The following OTUD7B variants were observed in gnomAD, a reference collection of about 807,000 sequenced individuals.
The protein encoded by OTUD7B is OTU domain-containing protein 7B.
OTUD7B carries 34 observed loss-of-function variants against 82.2 expected under a neutral mutation model. The ratio of observed to expected loss-of-function variants is 0.41; its 90% CI spans 0.31 to 0.55. The LOEUF (loss-of-function observed/expected upper bound fraction) is 0.55. Ranked by LOEUF, OTUD7B falls within the 20% of genes least tolerant of loss-of-function variation. The pLI is 0.20. For missense variants in OTUD7B, 944 were observed against 1,062.1 expected (o/e 0.89, Z 1.55); for synonymous variants, 398 against 402.7 (o/e 0.99, Z 0.14).
At chr1:149,985,057 A>G (rs1328612474) in intron 1 of OTUD7B, among the ~76,000 whole-genome samples, 1 of 152,218 alleles carries the variant, frequency 6.6e-6, no homozygotes, top group Non-Finnish European at 1.5e-5. Flanking sequence ...ATAGTATTAC[A>G]TCCCACTGTT....
upstream of OTUD7B, among the ~76,000 whole-genome samples, chr1:150,013,795 G>A (rs1559874786): frequency 6.7e-6 from 1 of 150,366 alleles, no homozygotes; most frequent in Admixed American, 6.7e-5. Context: ...GGTGGCGGGC[G>A]CCTGTAGTCC....
chr1:149,967,181 C>A, intron 4 of OTUD7B, 113 bp downstream of exon 4: 1 of 650,086 alleles, frequency 1.5e-6, no homozygotes, highest in Non-Finnish European at 2.7e-6. Flanking sequence ...CCTGACTTTG[C>A]AATCAGATAA....
In OTUD7B at chr1:149,950,133, C is replaced by T. The variant is rs200022303; in HGVS notation, c.934G>A (p.Val312Ile). 1.6e-5 allele frequency: 26 copies of T among 1,614,000 alleles called. No individual in the cohort carries two copies. The highest frequency in any genetic ancestry group is 1.9e-5 in the Non-Finnish European group (23 of 1,180,030). Residue 312 changes from valine to isoleucine, a missense_variant, in exon 8 of 12, where the codon GTC becomes ATC. Coordinates refer to ENST00000581312, the MANE Select transcript of OTUD7B (RefSeq NM_020205.4). ...LAHVLRRPIV[V>I]VADTMLRDSG... Reference sequence around the variant, plus strand: ...TCCCTCAGCATGGTGTCTGCCACGACGACTATGGGCCTCCTAAGCACATGA... The same window carrying T: ...TCCCTCAGCATGGTGTCTGCCACGATGACTATGGGCCTCCTAAGCACATGA...
the OTUD7B span, among the ~76,000 whole-genome samples, chr1:150,046,774 A>C: frequency 6.6e-6 from 1 of 151,512 alleles, no homozygotes; most frequent in Non-Finnish European, 1.5e-5. Flanking sequence ...ATTCAAAATA[A>C]AAGTAAATAT....
rs147372021 is a variant in OTUD7B, at chr1:150,010,586, A to G, written c.-205T>C. 1 of 153,008 alleles carries G rather than the reference A, an allele frequency of 6.5e-6. No homozygotes were observed. The highest frequency in any genetic ancestry group is 1.5e-5 in the Non-Finnish European group (1 of 68,700). The allele number at this position is 153,008 out of a possible 1,614,324, so 9.5% of individuals were successfully genotyped here. ...GATGGAGGTGGAGGCGGTGGTGGAGACTGCGACCGCAGCTGTTGCTCCGCA... is the reference window on the plus strand; with the variant it reads ...GATGGAGGTGGAGGCGGTGGTGGAGGCTGCGACCGCAGCTGTTGCTCCGCA... On this transcript the variant is annotated 5_prime_UTR_variant, in exon 1 of 12. Transcript: ENST00000581312.
rs587747175 is a variant in OTUD7B, at chr1:149,971,105, G to A, written c.232C>T (p.Pro78Ser). The change falls in exon 3 of 12, where the codon CCT becomes TCT. Residue 78 changes from proline to serine, a missense_variant. By Grantham distance (74) the Pro-to-Ser change is moderately conservative. Around this residue, in one of 3 missense-constraint regions of OTUD7B, gnomAD observed 530 missense variants for 625.6 expected, o/e 0.85. Coordinates refer to ENST00000581312, the MANE Select transcript of OTUD7B (RefSeq NM_020205.4). ...TGCCGCTGGAGGATGGGTCGGGGAG[G>A]GCGAGTAGGCTCTCTGTCAGAAAAC... ...KGFSDREPTR[P>S]PRPILQRQDD... 32 of 1,612,958 alleles carry A rather than the reference G, an allele frequency of 2.0e-5. No individual in the cohort carries two copies. The highest frequency in any genetic ancestry group is 9.3e-5 in the African/African-American group (7 of 74,988).
intron 1 of OTUD7B, among the ~76,000 whole-genome samples, chr1:149,979,156 T>C (rs1284440616): frequency 1.3e-5 from 2 of 152,130 alleles, no homozygotes; most frequent in Non-Finnish European, 1.5e-5. Context: ...GCATCTATAA[T>C]ATGGTAGGTA....
At position 149,959,669 on chromosome 1, in the gene OTUD7B, C is replaced by G; in HGVS notation, c.845+15G>C. The G allele has an allele frequency of 3.9e-6, 6 of 1,535,224 alleles. No homozygotes were observed. Among genetic ancestry groups the G allele is most frequent in the Non-Finnish European group, 5.4e-6 (6 of 1,108,016 alleles). ...TCTATGCAGGTTTCCTCCTCCCCTA[C>G]TTAGCCATACTTACCCACCACAGTT... On this transcript the variant is annotated intron_variant, in intron 7 of 11. Transcript: ENST00000581312.
the OTUD7B span, among the ~76,000 whole-genome samples, chr1:150,056,654 C>T: frequency 1.3e-5 from 2 of 152,108 alleles, no homozygotes; most frequent in African/African-American, 4.8e-5. Flanking sequence ...CTCACTGATT[C>T]CAGAGCCTAC....
At chr1:150,050,716 T>A in the OTUD7B span, among the ~76,000 whole-genome samples, 2 of 152,112 alleles carry the variant, frequency 1.3e-5, no homozygotes, top group Non-Finnish European at 2.9e-5. Flanking sequence ...TTTTCCCTCA[T>A]TCACATAACA....
chr1:150,020,407 C>T, the OTUD7B span, among the ~76,000 whole-genome samples: 3 of 152,080 alleles, frequency 2.0e-5, no homozygotes, highest in East Asian at 1.9e-4. Context: ...CATGGTGGCG[C>T]GCACCTGTAG....
intron 2 of OTUD7B, among the ~76,000 whole-genome samples, chr1:149,973,283 G>A (rs1553777939): frequency 6.6e-6 from 1 of 152,058 alleles, no homozygotes; most frequent in East Asian, 1.9e-4. Flanking sequence ...CATTAGCCAG[G>A]TGTGGTGGTG....
intron 11 of OTUD7B, among the ~76,000 whole-genome samples, chr1:149,946,921 C>T (rs1279930356): frequency 2.6e-5 from 4 of 151,524 alleles, no homozygotes; most frequent in Admixed American, 6.6e-5. Context: ...GGCGTGGTGG[C>T]GCATGCCTGT....
At position 149,938,987 on chromosome 1, in the gene OTUD7B, TG is replaced by T. The variant is rs2092745846; in HGVS notation, c.*4869del. On this transcript the variant is annotated 3_prime_UTR_variant, in exon 12 of 12. Transcript: ENST00000581312. ...GGGGAAATCAGGAGGAGAAAAGAAT[TG>T]GGCGATTTGGATCAATACTTAACCA... 6.7e-6 allele frequency: 1 copy of T among 149,148 alleles called. No individual in the cohort carries two copies. Among genetic ancestry groups the T allele is most frequent in the African/African-American group, 2.5e-5 (1 of 40,236 alleles). 9.2% of individuals were successfully genotyped at this position (149,148 alleles called of 1,614,324 possible).
At chr1:150,033,586 T>C in the OTUD7B span, among the ~76,000 whole-genome samples, 1 of 152,178 alleles carries the variant, frequency 6.6e-6, no homozygotes, top group Non-Finnish European at 1.5e-5. Context: ...TACCATGTAG[T>C]GTTAACAGTA....
chr1:150,059,220 A>T, the OTUD7B span, among the ~76,000 whole-genome samples: 1 of 117,466 alleles, frequency 8.5e-6, no homozygotes, highest in Non-Finnish European at 1.7e-5. Flanking sequence ...CACCTGGCTA[A>T]TTTTTGTAGT....
chr1:149,980,862 A>T (rs587770959), intron 1 of OTUD7B, among the ~76,000 whole-genome samples: 87 of 152,146 alleles, frequency 5.7e-4, no homozygotes, highest in Middle Eastern at 6.8e-3. Flanking sequence ...ACCTTTTTTA[A>T]ACTAATTAAG....
intron 6 of OTUD7B, 141 bp from the exon 7 acceptor site, chr1:149,959,937 C>T (rs1649015649): frequency 1.6e-6 from 1 of 625,524 alleles, no homozygotes; most frequent in Non-Finnish European, 2.9e-6. Context: ...AGTCAAATCT[C>T]TTATCTCTTT....
At chr1:150,059,056 T>TA in the OTUD7B span, among the ~76,000 whole-genome samples, 1 of 147,464 alleles carries the variant, frequency 6.8e-6, no homozygotes, top group Non-Finnish European at 1.5e-5. Context: ...TTCTTTTCTT[T>TA]TTTTTTTTTT....
Sources: gnomAD v4.1 joint callset for allele counts (sites outside exome capture counted in the v4.1 genomes callset) on GRCh38, gnomAD v4.1.1 for gene constraint, gnomAD v4.1.1 regional missense constraint, MANE v1.5 for transcripts, NCBI Gene and HGNC (gene_info 2026-07-23, HGNC 2026-07-21) for gene names.